NEK10: variants seen among roughly 807,000 people sequenced by gnomAD.
NEK10 encodes serine/threonine-protein kinase Nek10.
A neutral mutation model predicts 159.8 loss-of-function variants in NEK10; 122 were observed. The observed-to-expected ratio is 0.76, with a 90% CI of 0.66 to 0.89. NEK10 has a LOEUF of 0.89. Ranked by LOEUF, NEK10 falls within the 40% of genes least tolerant of loss-of-function variation. The pLI is 0.00. For missense variants in NEK10, 1,342 were observed against 1,323.1 expected (o/e 1.01, Z -0.22); for synonymous variants, 466 against 457.1 (o/e 1.02, Z -0.25).
chr3:27,126,864 C>G (rs943650490), intron 32 of NEK10, among the ~76,000 whole-genome samples: 1 of 152,020 alleles, frequency 6.6e-6, no homozygotes, highest in Non-Finnish European at 1.5e-5. Context: ...TTCCGGAGGA[C>G]GCAACCCCAG....
At chr3:27,214,200 T>C (rs1229731242) in intron 23 of NEK10, among the ~76,000 whole-genome samples, 1 of 152,218 alleles carries the variant, frequency 6.6e-6, no homozygotes, top group African/African-American at 2.4e-5. Context: ...ATGTATACCT[T>C]ACGTATGTTG....
At chr3:27,316,336 G>T (rs1291187537) in intron 6 of NEK10, among the ~76,000 whole-genome samples, 2 of 152,186 alleles carry the variant, frequency 1.3e-5, no homozygotes, top group Non-Finnish European at 2.9e-5. Context: ...CATGAAGAAA[G>T]ATTGGAAGAA....
intron 1 of NEK10, among the ~76,000 whole-genome samples, chr3:27,359,638 A>G (rs1299847490): frequency 1.3e-5 from 2 of 152,228 alleles, no homozygotes; most frequent in African/African-American, 2.4e-5. Context: ...CAGAGATAAG[A>G]CAAACATGTT....
At chr3:27,255,024 G>T (rs1477158295) in intron 23 of NEK10, 2 of 163,190 alleles carry the variant, frequency 1.2e-5, no homozygotes, top group Admixed American at 1.3e-4. Context: ...CTTTCACCAA[G>T]TATGACCAGC....
chr3:27,220,046 T>C (rs989169977), intron 23 of NEK10, among the ~76,000 whole-genome samples: 1 of 152,146 alleles, frequency 6.6e-6, no homozygotes, highest in African/African-American at 2.4e-5. Flanking sequence ...AAAAAGAGCA[T>C]AACATCATTG....
At chr3:27,360,248 C>G (rs371384078) in intron 1 of NEK10, among the ~76,000 whole-genome samples, 30 of 152,052 alleles carry the variant, frequency 2.0e-4, no homozygotes, top group Non-Finnish European at 2.9e-4. Context: ...AGTATCAGGA[C>G]GTCTAACACC....
intron 13 of NEK10, among the ~76,000 whole-genome samples, chr3:27,301,092 T>C (rs2043786782): frequency 1.3e-5 from 2 of 151,500 alleles, no homozygotes; most frequent in African/African-American, 2.4e-5. Context: ...AATTGGCCAA[T>C]AGCACTCAGA....
intron 6 of NEK10, among the ~76,000 whole-genome samples, chr3:27,315,802 C>T (rs1239749738): frequency 2.0e-5 from 3 of 152,130 alleles, no homozygotes; most frequent in East Asian, 1.9e-4. Context: ...TGCAGTGTTA[C>T]GAGGCGCCAG....
chr3:27,238,092 CTT>C, intron 23 of NEK10, among the ~76,000 whole-genome samples: 1 of 152,224 alleles, frequency 6.6e-6, no homozygotes, highest in African/African-American at 2.4e-5. Flanking sequence ...CCACAGATAA[CTT>C]TTGTTTTCTT....
intron 23 of NEK10, among the ~76,000 whole-genome samples, chr3:27,252,620 G>A (rs963999142): frequency 1.3e-5 from 2 of 152,148 alleles, no homozygotes; most frequent in African/African-American, 2.4e-5. Context: ...TCAACAAAAA[G>A]TTCAATTGTG....
At chr3:27,139,861 T>A (rs1286075947) in intron 31 of NEK10, among the ~76,000 whole-genome samples, 1 of 152,198 alleles carries the variant, frequency 6.6e-6, no homozygotes, top group Non-Finnish European at 1.5e-5. Flanking sequence ...CAGAAGCCAT[T>A]CCTTTCACTA....
intron 32 of NEK10, among the ~76,000 whole-genome samples, chr3:27,121,038 A>G (rs1370296455): frequency 6.6e-6 from 1 of 152,198 alleles, no homozygotes; most frequent in Non-Finnish European, 1.5e-5. Context: ...CTACATTTTA[A>G]TAATATATGC....
chr3:27,302,153 C>T (rs653465), intron 12 of NEK10, among the ~76,000 whole-genome samples: 96,736 of 152,066 alleles, frequency 0.64, 33,061 homozygotes, highest in African/African-American at 0.91. Context: ...TTCTCAGTTT[C>T]CTTTTTCCAT....
chr3:27,171,648 C>G (rs1946995205), intron 29 of NEK10, among the ~76,000 whole-genome samples, 171 bp downstream of exon 29: 1 of 152,124 alleles, frequency 6.6e-6, no homozygotes, highest in Non-Finnish European at 1.5e-5. Flanking sequence ...AAGATCAGTA[C>G]CTGTTTCAGT....
At chr3:27,204,269 A>T in intron 23 of NEK10, among the ~76,000 whole-genome samples, 1 of 116,086 alleles carries the variant, frequency 8.6e-6, no homozygotes, top group African/African-American at 3.6e-5. Flanking sequence ...TCAAAAGATA[A>T]ATTTTCTTTT....
chr3:27,261,940 G>T (rs1485197884), intron 22 of NEK10, among the ~76,000 whole-genome samples: 1 of 152,160 alleles, frequency 6.6e-6, no homozygotes, highest in Non-Finnish European at 1.5e-5. Context: ...AGGATAGCTA[G>T]CTCTTCTTGT....
chr3:27,277,523 C>T (rs549642227), intron 22 of NEK10, among the ~76,000 whole-genome samples: 42 of 152,102 alleles, frequency 2.8e-4, no homozygotes, highest in Non-Finnish European at 5.3e-4. Context: ...ACCAAGCTCC[C>T]CACCCACCAA....
chr3:27,202,231 A>G (rs1272059910), intron 24 of NEK10, among the ~76,000 whole-genome samples, 197 bp downstream of exon 24: 2 of 152,178 alleles, frequency 1.3e-5, no homozygotes, highest in Non-Finnish European at 2.9e-5. Context: ...AATAAAGACA[A>G]TTATAGAGGG....
At chr3:27,298,020 G>GA (rs1286997446) in intron 13 of NEK10, among the ~76,000 whole-genome samples, 1 of 152,086 alleles carries the variant, frequency 6.6e-6, no homozygotes, top group African/African-American at 2.4e-5. Flanking sequence ...AGCAAAACTG[G>GA]AGCTTGGAGA....
Sources: gnomAD v4.1 joint callset for allele counts (sites outside exome capture counted in the v4.1 genomes callset) on GRCh38, gnomAD v4.1.1 for gene constraint, MANE v1.5 for transcripts, NCBI Gene and HGNC (gene_info 2026-07-23, HGNC 2026-07-21) for gene names.